GABRA3: variants seen among roughly 807,000 people sequenced by gnomAD.
GABRA3 encodes gamma-aminobutyric acid receptor subunit alpha-3.
Under a neutral mutation model 30.1 loss-of-function variants are expected in GABRA3, and 10 were observed. That is an observed-to-expected ratio of 0.33 (90% CI 0.20 to 0.56). The LOEUF is 0.56. Among genes scored for constraint, GABRA3 ranks in the 20% least tolerant of loss-of-function variants. The pLI, the probability that GABRA3 is intolerant of heterozygous loss-of-function variation, is 0.89. For missense variants in GABRA3, 233 were observed against 392.0 expected, an observed-to-expected ratio of 0.59 and a Z score of 3.42; for synonymous variants, 151 against 146.8, an observed-to-expected ratio of 1.03 and a Z score of -0.21.
chrX:152,233,631 G>A (rs369208546), intron 5 of GABRA3, among the ~76,000 whole-genome samples: 95 of 108,675 alleles, frequency 8.7e-4, no homozygotes, highest in East Asian at 2.1e-3. Flanking sequence ...TGTGGAAGTC[G>A]GTGTGGCGAT....
At chrX:152,353,851 C>T (rs775610857) in intron 2 of GABRA3, among the ~76,000 whole-genome samples, 18 of 111,300 alleles carry the variant, frequency 1.6e-4, no homozygotes, top group South Asian at 3.8e-4. Context: ...CCTGACATAA[C>T]GCAACAGGAA....
At chrX:152,405,354 C>T (rs1929904916) in intron 1 of GABRA3, among the ~76,000 whole-genome samples, 1 of 106,562 alleles carries the variant, frequency 9.4e-6, no homozygotes, top group African/African-American at 3.5e-5. Flanking sequence ...GCTCCACCAT[C>T]AGCCAACAAA....
intron 7 of GABRA3, among the ~76,000 whole-genome samples, chrX:152,207,733 C>G (rs774725991): frequency 8.9e-6 from 1 of 112,080 alleles, no homozygotes; most frequent in East Asian, 2.8e-4. Context: ...CCTTCACCTT[C>G]TGCACCACTC....
At chrX:152,305,766 T>A (rs958869760) in intron 3 of GABRA3, among the ~76,000 whole-genome samples, 98 of 111,161 alleles carry the variant, frequency 8.8e-4, no homozygotes, top group Non-Finnish European at 1.5e-3. Flanking sequence ...TTAACTAAAA[T>A]TAAATATTAA....
chrX:152,213,642 C>T (rs11797985), intron 6 of GABRA3, among the ~76,000 whole-genome samples: 14,841 of 111,309 alleles, frequency 0.13, 771 homozygotes, highest in Admixed American at 0.23. Context: ...GTAAAGAGTT[C>T]TAGGAACTGG....
At chrX:152,266,353 G>T (rs1289990955) in intron 4 of GABRA3, among the ~76,000 whole-genome samples, 1 of 111,631 alleles carries the variant, frequency 9.0e-6, no homozygotes, top group Non-Finnish European at 1.9e-5. Flanking sequence ...ATGCGATACA[G>T]CATATCTATA....
chrX:152,182,644 C>CTATATATGTATAG (rs1453800179), intron 9 of GABRA3, among the ~76,000 whole-genome samples: 2 of 50,861 alleles, frequency 3.9e-5, no homozygotes, highest in Non-Finnish European at 7.3e-5. Context: ...TATATATACA[C>CTATATATGTATAG]TATATATACA....
intron 1 of GABRA3, among the ~76,000 whole-genome samples, chrX:152,421,683 A>C (rs1930377147): frequency 9.0e-6 from 1 of 111,663 alleles, no homozygotes; most frequent in African/African-American, 3.2e-5. Context: ...AAGAATTATA[A>C]ATCAGTAAAA....
intron 9 of GABRA3, among the ~76,000 whole-genome samples, chrX:152,177,340 C>T (rs1199336717): frequency 9.0e-6 from 1 of 110,715 alleles, no homozygotes; most frequent in Non-Finnish European, 1.9e-5. Flanking sequence ...TAGGAGGATA[C>T]GTCAAGAAAA....
intron 7 of GABRA3, among the ~76,000 whole-genome samples, chrX:152,199,509 C>G (rs920044227): frequency 9.1e-6 from 1 of 110,436 alleles, no homozygotes; most frequent in African/African-American, 3.3e-5. Flanking sequence ...CTCGAAAGAA[C>G]TAACCTTCTT....
At chrX:152,269,678 T>C (rs1194603867) in intron 4 of GABRA3, among the ~76,000 whole-genome samples, 2 of 111,703 alleles carry the variant, frequency 1.8e-5, no homozygotes, top group Non-Finnish European at 3.8e-5. Context: ...AGAACCCAGA[T>C]ATAAATCCAC....
In GABRA3 at chrX:152,199,239, A is replaced by G. The variant is rs757657201; in HGVS notation, c.779-1454T>C. On this transcript the variant is annotated intron_variant, in intron 7 of 9. Transcript: ENST00000370314. The stretch of plus-strand genomic sequence containing the variant: ...ATATTAGCCGGGTGTGGTGGCGGGC[A>G]CCTGTAGTCCCAGATACTAGGGAGG... 1.4e-3 allele frequency among the ~76,000 whole-genome samples: 151 copies of G among 105,304 alleles called. 1 individual carries two copies. Among genetic ancestry groups the G allele is most frequent in the South Asian group, 0.014 (33 of 2,395 alleles). 91.4% of individuals were successfully genotyped at this position (105,304 alleles called of 115,157 possible).
intron 4 of GABRA3, 136 bp downstream of exon 4, chrX:152,284,532 T>A (rs1939256068): frequency 2.6e-6 from 1 of 388,157 alleles, no homozygotes; most frequent in African/African-American, 2.6e-5. Flanking sequence ...AAACGTAGGG[T>A]GGCGAGGGTA....
rs1203770479 is a variant in GABRA3 at position 152,168,535 on chromosome X, T to C, written c.1172A>G (p.Lys391Arg). ...KKKTPAAPAK[K>R]TSTTFNIVGT... ...CACGATGTTGAAGGTAGTGCTGGTT[T>C]TCTTTGCTGGGGCTGCTGGTGTTTT... The change falls in exon 10 of 10, where the codon AAA (lysine) becomes AGA (arginine). Residue 391 changes from lysine to arginine, a missense_variant. Lys to Arg is a conservative substitution (Grantham distance 26, BLOSUM62 2). This residue lies in a region of GABRA3 where 66 missense variants were observed against 57.1 expected (regional missense o/e 1.16). Transcript: ENST00000370314. The C allele has an allele frequency of 8.3e-7, 1 of 1,209,708 alleles. No homozygotes were observed. Among genetic ancestry groups the C allele is most frequent in the South Asian group, 1.8e-5 (1 of 56,871 alleles).
chrX:152,284,786 A>G, intron 3 of GABRA3, 51 bp from the exon 4 acceptor site: 1 of 919,879 alleles, frequency 1.1e-6, no homozygotes, highest in Non-Finnish European at 1.5e-6. Flanking sequence ...CTTTTGTCTT[A>G]GCTCAGAGAG....
intron 1 of GABRA3, among the ~76,000 whole-genome samples, chrX:152,409,281 G>A (rs993015284): frequency 1.1e-4 from 12 of 111,581 alleles, no homozygotes; most frequent in Non-Finnish European, 2.3e-4. Flanking sequence ...AGGAGTTTGA[G>A]GTTATAGTGA....
intron 9 of GABRA3, 26 bp from the exon 10 acceptor site, chrX:152,168,589 G>A (rs1936966064): frequency 9.2e-7 from 1 of 1,092,139 alleles, no homozygotes; most frequent in Non-Finnish European, 1.3e-6. Context: ...AAGAGGGGGG[G>A]AAAGGGAGAA....
At chrX:152,171,554 G>A (rs1937001767) in intron 9 of GABRA3, 1 of 113,621 alleles carries the variant, frequency 8.8e-6, no homozygotes, top group Admixed American at 9.6e-5. Flanking sequence ...GATAGATACA[G>A]ACTGAGATGA....
intron 4 of GABRA3, among the ~76,000 whole-genome samples, chrX:152,272,858 C>T (rs1198985203): frequency 2.7e-5 from 3 of 111,364 alleles, no homozygotes; most frequent in Admixed American, 9.6e-5. Context: ...CTTAGCACTG[C>T]TGTCCCTGCA....
Sources: allele counts gnomAD v4.1 joint callset (sites outside exome capture counted in the v4.1 genomes callset), GRCh38; gene constraint gnomAD v4.1.1; regional missense constraint gnomAD v4.1.1; transcripts MANE v1.5; gene names NCBI Gene and HGNC (gene_info 2026-07-23, HGNC 2026-07-21).